Variants in RIPOR3 observed in about 807,000 individuals in gnomAD.
RIPOR3 encodes the protein family with sequence similarity 65 member C.
In RIPOR3, 95 loss-of-function variants were observed where a neutral mutation model predicts 114.3. The observed-to-expected ratio is 0.83, with a 90% CI of 0.70 to 0.99. The LOEUF (loss-of-function observed/expected upper bound fraction) is 0.99, where lower values mean the gene tolerates loss of function less well. Among genes scored for constraint, RIPOR3 ranks in the 50% least tolerant of loss-of-function variants. The pLI, the probability that RIPOR3 is intolerant of heterozygous loss-of-function variation, is 0.00. For synonymous variants in RIPOR3, 575 were observed against 543.8 expected (o/e 1.06, Z -0.80); for missense variants, 1,252 against 1,266.9 (o/e 0.99, Z 0.18).
intron 1 of RIPOR3, among the ~76,000 whole-genome samples, chr20:50,659,661 A>AAG (rs1253988822): frequency 1.3e-5 from 2 of 151,754 alleles, no homozygotes; most frequent in African/African-American, 4.8e-5. Flanking sequence ...AAAAAAAAAA[A>AAG]AAAAAAATTC....
intron 1 of RIPOR3, among the ~76,000 whole-genome samples, chr20:50,686,182 G>A (rs1364974908): frequency 6.6e-6 from 1 of 151,686 alleles, no homozygotes; most frequent in Non-Finnish European, 1.5e-5. Context: ...TCAGCCTCCC[G>A]AGTGGCTGGG....
intron 1 of RIPOR3, among the ~76,000 whole-genome samples, chr20:50,664,431 T>G (rs1262216479): frequency 6.6e-6 from 1 of 152,242 alleles, no homozygotes; most frequent in Non-Finnish European, 1.5e-5. Context: ...GGCTTTGCTC[T>G]GACCTCGAGT....
chr20:50,591,162 T>C (rs2083094329), intron 19 of RIPOR3, among the ~76,000 whole-genome samples: 3 of 152,200 alleles, frequency 2.0e-5, no homozygotes, highest in Admixed American at 2.0e-4. Flanking sequence ...CCAATCACAA[T>C]GTGTGTCCTT....
intron 1 of RIPOR3, among the ~76,000 whole-genome samples, chr20:50,666,302 G>A (rs1363066789): frequency 2.0e-5 from 3 of 148,108 alleles, no homozygotes; most frequent in African/African-American, 5.0e-5. Context: ...TCGGCTCACC[G>A]CAATCTCCGT....
At chr20:50,666,226 T>TCTCTTCTCTTC (rs1555873214) in intron 1 of RIPOR3, among the ~76,000 whole-genome samples, 1 of 139,740 alleles carries the variant, frequency 7.2e-6, no homozygotes, top group African/African-American at 2.7e-5. Flanking sequence ...TCTTTTCTTT[T>TCTCTTCTCTTC]TTGAGACGGA....
intron 1 of RIPOR3, among the ~76,000 whole-genome samples, chr20:50,673,955 G>A (rs73615316): frequency 9.6e-4 from 146 of 152,294 alleles, no homozygotes; most frequent in African/African-American, 3.3e-3. Context: ...CAGATGTCAG[G>A]CATGAAATAT....
At chr20:50,649,953 G>A (rs905641584) in intron 1 of RIPOR3, among the ~76,000 whole-genome samples, 1 of 152,202 alleles carries the variant, frequency 6.6e-6, no homozygotes, top group Non-Finnish European at 1.5e-5. Flanking sequence ...CCCCTCATGG[G>A]TGAAATGGGG....
intron 1 of RIPOR3, among the ~76,000 whole-genome samples, chr20:50,661,418 C>A (rs1470793448): frequency 6.6e-6 from 1 of 152,086 alleles, no homozygotes; most frequent in Non-Finnish European, 1.5e-5. Flanking sequence ...ATCTCCATAG[C>A]CTTGTGACAC....
At chr20:50,667,717 T>C (rs1223482709) in intron 1 of RIPOR3, among the ~76,000 whole-genome samples, 1 of 152,186 alleles carries the variant, frequency 6.6e-6, no homozygotes, top group Non-Finnish European at 1.5e-5. Flanking sequence ...AGTCTGGCCC[T>C]TGAAGCTTTT....
chr20:50,617,863 C>A (rs550235919), intron 3 of RIPOR3, among the ~76,000 whole-genome samples: 2 of 151,298 alleles, frequency 1.3e-5, no homozygotes, highest in Non-Finnish European at 2.9e-5. Flanking sequence ...AATTCGTGAT[C>A]CGCCTGCCTC....
rs192055667 is a variant in RIPOR3 at position 50,594,824 on chromosome 20, T to A, written c.2051-110A>T. ...TGAGGGGGTAGGGAGGAGGGGACGG[T>A]GTGGCTTGATGCGAGGTCCCTTCCC... On this transcript the variant is annotated intron_variant, in intron 16 of 21. Transcript: ENST00000327979. The A allele has an allele frequency of 2.7e-3, 3,444 of 1,259,426 alleles. 76 individuals are homozygous for A. In the African/African-American group the frequency reaches 0.043, roughly 16 times the overall value. The allele number at this position is 1,259,426 out of a possible 1,614,324, so 78.0% of individuals were successfully genotyped here.
At chr20:50,682,612 A>ATGTGTGTGTGTGTGTGTGTGTGTGTG (rs71190593) in intron 1 of RIPOR3, among the ~76,000 whole-genome samples, 43,321 of 146,354 alleles carry the variant, frequency 0.3, 7,505 homozygotes, top group East Asian at 0.39. Context: ...GTCTCAAAAT[A>ATGTGTGTGTGTGTGTGTGTGTGTGTG]TGTGTGTGTG....
chr20:50,618,840 C>G (rs1255576768), intron 3 of RIPOR3, among the ~76,000 whole-genome samples: 1 of 152,182 alleles, frequency 6.6e-6, no homozygotes, highest in East Asian at 1.9e-4. Flanking sequence ...CTTTGGGAGG[C>G]CAAGGCAGGC....
At position 50,608,597 on chromosome 20, in the gene RIPOR3, C is replaced by T. The variant is rs753233339; in HGVS notation, c.810+16G>A. 3.6e-5 allele frequency: 58 copies of T among 1,613,692 alleles called. No homozygotes were observed. Among genetic ancestry groups the T allele is most frequent in the South Asian group, 2.2e-4 (20 of 91,070 alleles). On this transcript the variant is annotated intron_variant, in intron 10 of 21. Coordinates refer to ENST00000327979, the MANE Select transcript of RIPOR3 (RefSeq NM_001290268.2). ...CACCCAGGCACCCCAGCCCTGCCCC[C>T]GGGCCCCATCCCCACCTTGATGTCC...
chr20:50,641,267 T>G (rs1030686843), intron 1 of RIPOR3, among the ~76,000 whole-genome samples: 50 of 152,038 alleles, frequency 3.3e-4, no homozygotes, highest in African/African-American at 1.2e-3. Context: ...CAGGCTGGAG[T>G]GCAGTGGTGG....
At chr20:50,641,191 G>A (rs1274015105) in intron 1 of RIPOR3, among the ~76,000 whole-genome samples, 4 of 151,884 alleles carry the variant, frequency 2.6e-5, no homozygotes, top group African/African-American at 9.7e-5. Context: ...GATTACAGGC[G>A]TGAGCCACCA....
intron 1 of RIPOR3, among the ~76,000 whole-genome samples, chr20:50,638,883 C>T (rs561325389): frequency 1.3e-5 from 2 of 152,232 alleles, no homozygotes; most frequent in East Asian, 3.9e-4. Flanking sequence ...AGACCCCTGA[C>T]ACTGAGGGAG....
intron 1 of RIPOR3, among the ~76,000 whole-genome samples, chr20:50,688,639 C>T (rs529899181): frequency 5.2e-4 from 79 of 152,266 alleles, no homozygotes; most frequent in Middle Eastern, 3.4e-3. Context: ...AGAATATCAC[C>T]GAACTGAGGA....
chr20:50,613,815 T>C (rs1464887156), intron 4 of RIPOR3, among the ~76,000 whole-genome samples: 1 of 152,124 alleles, frequency 6.6e-6, no homozygotes, highest in East Asian at 1.9e-4. Context: ...CTGGGTGATA[T>C]CTTGGCAGCA....
Sources: allele counts gnomAD v4.1 joint callset (sites outside exome capture counted in the v4.1 genomes callset), GRCh38; gene constraint gnomAD v4.1.1; transcripts MANE v1.5; gene names NCBI Gene and HGNC (gene_info 2026-07-23, HGNC 2026-07-21).